HOXC12: variants seen among roughly 807,000 people sequenced by gnomAD.
HOXC12 encodes homeobox C12.
HOXC12 carries 24 observed loss-of-function variants against 20.9 expected under a neutral mutation model. That is an observed-to-expected ratio of 1.15 (90% CI 0.83 to 1.61). HOXC12 has a LOEUF of 1.61. Among genes scored for constraint, HOXC12 ranks in the 40% most tolerant of loss-of-function variants. HOXC12 has a pLI of 0.00. For missense variants in HOXC12, 436 were observed against 406.9 expected, an observed-to-expected ratio of 1.07 and a Z score of -0.62; for synonymous variants, 202 against 197.7, an observed-to-expected ratio of 1.02 and a Z score of -0.18.
In HOXC12 at chr12:53,958,505, G is replaced by A. The variant is rs1324950804; in HGVS notation, c.*1939G>A. The A allele has an allele frequency of 6.6e-6, 1 of 152,218 alleles. No homozygotes were observed. The highest frequency in any genetic ancestry group is 1.9e-4 in the East Asian group (1 of 5,204). The allele number at this position is 152,218 out of a possible 1,614,324, so 9.4% of individuals were successfully genotyped here. A position where few individuals can be genotyped will look rare whatever the true frequency, so the allele number is the denominator to read the frequency against. ...TTCCAGCTGTCTGCAGTCTCCTGTG[G>A]TCTTCCCCTGGGCATGAAGCACTCC... On this transcript the variant is annotated 3_prime_UTR_variant, in exon 2 of 2. Coordinates refer to ENST00000243103, the MANE Select transcript of HOXC12 (RefSeq NM_173860.3).
Position 53,958,846 on chromosome 12 carries a change from G to A in HOXC12, c.*2280G>A, listed in dbSNP as rs1277495922. 6.6e-6 allele frequency: 1 copy of A among 152,054 alleles called. No homozygotes were observed. Among genetic ancestry groups the A allele is most frequent in the East Asian group, 1.9e-4 (1 of 5,200 alleles). 9.4% of individuals were successfully genotyped at this position (152,054 alleles called of 1,614,324 possible). On this transcript the variant is annotated 3_prime_UTR_variant, in exon 2 of 2. Transcript: ENST00000243103. ...AGCTGCCTCCCCAGCTCTCTGTAGT[G>A]TAATTCTCCTATTCCAACGTCTGTC... is the stretch of plus-strand genomic sequence containing the variant.
rs748538517 is a variant in HOXC12, at chr12:53,956,344, G to A, written c.627G>A (p.Pro209=). Residue 209 remains proline (P), a synonymous_variant, in exon 2 of 2, where the codon CCG becomes CCA. Transcript: ENST00000243103. ...TCCACCCAGGCGCGCCCTGGTACCC[G>A]ATCAACAGCCGCTCTCGGAAGAAGC... ...GLSASGAPWY[P]INSRSRKKRK... 3.1e-6 allele frequency: 5 copies of A among 1,596,896 alleles called. No individual in the cohort carries two copies. The highest frequency in any genetic ancestry group is 4.3e-6 in the Non-Finnish European group (5 of 1,171,054).
Position 53,956,781 on chromosome 12 carries a change from G to A in HOXC12, c.*215G>A, listed in dbSNP as rs1403694717. ...AGAGAAGGGAAGAAACCTAGCCAGGGAGAGCAGAAGCCGGCAGCTGCCTGC... is the reference window on the plus strand; with the variant it reads ...AGAGAAGGGAAGAAACCTAGCCAGGAAGAGCAGAAGCCGGCAGCTGCCTGC... On this transcript the variant is annotated 3_prime_UTR_variant, in exon 2 of 2. Coordinates refer to ENST00000243103, the MANE Select transcript of HOXC12 (RefSeq NM_173860.3). 1 of 426,212 alleles carries A rather than the reference G, an allele frequency of 2.3e-6. No individual in the cohort carries two copies. Among genetic ancestry groups the A allele is most frequent in the Non-Finnish European group, 4.1e-6 (1 of 243,000 alleles). 26.4% of individuals were successfully genotyped at this position (426,212 alleles called of 1,614,324 possible). A position where few individuals can be genotyped will look rare whatever the true frequency, so the allele number is the denominator to read the frequency against.
At position 53,956,662 on chromosome 12, in the gene HOXC12, A is replaced by T. The variant is rs1938873256; in HGVS notation, c.*96A>T. Reference sequence around the variant, plus strand: ...GAACACAGTCCCCACTTAGAACGCCAGGCGTCTCTGGCAGGCCCTCCCTGG... The same window carrying T: ...GAACACAGTCCCCACTTAGAACGCCTGGCGTCTCTGGCAGGCCCTCCCTGG... On this transcript the variant is annotated 3_prime_UTR_variant, in exon 2 of 2. Coordinates refer to ENST00000243103, the MANE Select transcript of HOXC12 (RefSeq NM_173860.3). 2 of 899,636 alleles carry T rather than the reference A, an allele frequency of 2.2e-6. No individual in the cohort carries two copies. The highest frequency in any genetic ancestry group is 5.0e-5 in the East Asian group (2 of 39,982). 55.7% of individuals were successfully genotyped at this position (899,636 alleles called of 1,614,324 possible). A position where few individuals can be genotyped will look rare whatever the true frequency, so the allele number is the denominator to read the frequency against.
chr12:53,955,478 C>G lies in HOXC12; in HGVS notation c.549C>G (p.Gly183=). Residue 183 remains glycine, a synonymous_variant, in exon 1 of 2, where the codon GGC becomes GGG. Transcript: ENST00000243103. ...SLLNEGNKGA[G]AGDPGSLVSP... Reference sequence around the variant, plus strand: ...TCAACGAGGGCAACAAGGGCGCCGGCGCAGGCGACCCCGGCAGCTTGGTAT... The same window carrying G: ...TCAACGAGGGCAACAAGGGCGCCGGGGCAGGCGACCCCGGCAGCTTGGTAT... 2.7e-6 allele frequency: 4 copies of G among 1,500,650 alleles called. No individual in the cohort carries two copies. Among genetic ancestry groups the G allele is most frequent in the Non-Finnish European group, 3.5e-6 (4 of 1,131,164 alleles). The allele number at this position is 1,500,650 out of a possible 1,614,324, so 93.0% of individuals were successfully genotyped here.
Position 53,955,422 on chromosome 12 carries a change from T to C in HOXC12, c.493T>C (p.Ser165Pro). 2 of 1,509,898 alleles carry C rather than the reference T, an allele frequency of 1.3e-6. No homozygotes were observed. Among genetic ancestry groups the C allele is most frequent in the East Asian group, 2.7e-5 (1 of 37,284 alleles). The allele number at this position is 1,509,898 out of a possible 1,614,324, so 93.5% of individuals were successfully genotyped here. A position where few individuals can be genotyped will look rare whatever the true frequency, so the allele number is the denominator to read the frequency against. The change falls in exon 1 of 2, where the codon TCG becomes CCG. Residue 165 changes from serine to proline, a missense_variant. Transcript: ENST00000243103. ...GPPHDPPSCQSLESDSSSSLL... is the reference protein window; with the variant it reads ...GPPHDPPSCQPLESDSSSSLL... ...TCCGCACGACCCGCCCTCCTGCCAG[T>C]CGCTGGAATCCGACTCCAGTTCGTC... is the stretch of plus-strand genomic sequence containing the variant.
chr12:53,955,081 G>A lies in HOXC12; in HGVS notation c.152G>A (p.Cys51Tyr). 1 of 1,613,320 alleles carries A rather than the reference G, an allele frequency of 6.2e-7. No homozygotes were observed. The highest frequency in any genetic ancestry group is 8.5e-7 in the Non-Finnish European group (1 of 1,179,742). ...TCCTACCCACGCCGCGACAACGTGT[G>A]CTCCCTGTCCTGGCCGTCGGCGGAG... ...SLSYPRRDNVCSLSWPSAEPC... is the reference protein window; with the variant it reads ...SLSYPRRDNVYSLSWPSAEPC... Residue 51 changes from cysteine to tyrosine, a missense_variant, in exon 1 of 2, where the codon TGC (cysteine) becomes TAC (tyrosine). Physicochemically the swap from Cys to Tyr is radical, Grantham distance 194 (BLOSUM62 -2). Transcript: ENST00000243103.
chr12:53,955,349 C>A lies in HOXC12; in HGVS notation c.420C>A (p.Asp140Glu). Residue 140 changes from aspartate to glutamate, a missense_variant, in exon 1 of 2, where the codon GAC (aspartate) becomes GAA (glutamate). Physicochemically the swap from Asp to Glu is conservative, Grantham distance 45 (BLOSUM62 2). Coordinates refer to ENST00000243103, the MANE Select transcript of HOXC12 (RefSeq NM_173860.3). ...SGPPALGFKYDYAAGGGGGDG... is the reference protein window; with the variant it reads ...SGPPALGFKYEYAAGGGGGDG... The stretch of plus-strand genomic sequence containing the variant: ...CGCCTGCGCTCGGCTTCAAGTACGA[C>A]TACGCGGCGGGCGGCGGCGGTGGCG... 6.9e-7 allele frequency: 1 copy of A among 1,448,498 alleles called. No individual in the cohort carries two copies. Among genetic ancestry groups the A allele is most frequent in the Non-Finnish European group, 9.0e-7 (1 of 1,108,138 alleles). 89.7% of individuals were successfully genotyped at this position (1,448,498 alleles called of 1,614,324 possible).
rs772952163 is a variant in HOXC12 at position 53,955,129 on chromosome 12, C to G, written c.200C>G (p.Pro67Arg). The change falls in exon 1 of 2, where the codon CCC becomes CGC. Residue 67 changes from proline to arginine, a missense_variant. Physicochemically the swap from Pro to Arg is moderately radical, Grantham distance 103 (BLOSUM62 -2). Coordinates refer to ENST00000243103, the MANE Select transcript of HOXC12 (RefSeq NM_173860.3). ...SAEPCNGYPQ[P>R]YLGSPVSLNP... The stretch of plus-strand genomic sequence containing the variant: ...GAGCCGTGCAATGGCTACCCGCAGC[C>G]CTACCTCGGCAGCCCAGTGTCTCTC... 3.7e-5 allele frequency: 60 copies of G among 1,610,618 alleles called. No individual in the cohort carries two copies. The Middle Eastern group carries it at 8.2e-4, about 22-fold the overall frequency.
Position 53,958,453 on chromosome 12 carries a change from T to A in HOXC12, c.*1887T>A, listed in dbSNP as rs1365333122. ...CATCCACACATACTTGCTTCACCCA[T>A]GTACAAGTTCCCCCAAATTACCACC... is the stretch of plus-strand genomic sequence containing the variant. On this transcript the variant is annotated 3_prime_UTR_variant, in exon 2 of 2. Transcript: ENST00000243103. 2.0e-5 allele frequency: 3 copies of A among 152,274 alleles called. No individual in the cohort carries two copies. Among genetic ancestry groups the A allele is most frequent in the Admixed American group, 6.5e-5 (1 of 15,282 alleles). 9.4% of individuals were successfully genotyped at this position (152,274 alleles called of 1,614,324 possible).
rs1040528450 is a variant in HOXC12, at chr12:53,958,266, AAC to A, written c.*1704_*1705del. On this transcript the variant is annotated 3_prime_UTR_variant, in exon 2 of 2. Transcript: ENST00000243103. ...TTCTGTACAGGCAGAGGCAAAGGCAAACACATACACACAGCTGAGCCCAGCAC... is the reference window on the plus strand; with the variant it reads ...TTCTGTACAGGCAGAGGCAAAGGCAAACATACACACAGCTGAGCCCAGCAC... 1.3e-5 allele frequency: 2 copies of A among 152,458 alleles called. No individual in the cohort carries two copies. Among genetic ancestry groups the A allele is most frequent in the Non-Finnish European group, 2.9e-5 (2 of 68,210 alleles). 9.4% of individuals were successfully genotyped at this position (152,458 alleles called of 1,614,324 possible).
rs779774727 is a variant in HOXC12 at position 53,955,174 on chromosome 12, C to G, written c.245C>G (p.Thr82Arg). The G allele has an allele frequency of 6.2e-6, 10 of 1,610,906 alleles. No homozygotes were observed. The highest frequency in any genetic ancestry group is 5.0e-5 in the Admixed American group (3 of 59,878). ...PVSLNPPFGR[T>R]CELARVEDGK... is the part of the protein sequence containing the mutation. ...TCTCTCAACCCTCCCTTCGGCCGCACGTGCGAGCTGGCGCGCGTGGAGGAC... is the reference window on the plus strand; with the variant it reads ...TCTCTCAACCCTCCCTTCGGCCGCAGGTGCGAGCTGGCGCGCGTGGAGGAC... The change falls in exon 1 of 2, where the codon ACG becomes AGG. Residue 82 changes from threonine to arginine, a missense_variant. Physicochemically the swap from Thr to Arg is moderately conservative, Grantham distance 71. Coordinates refer to ENST00000243103, the MANE Select transcript of HOXC12 (RefSeq NM_173860.3).
chr12:53,956,261 G>T, intron 1 of HOXC12, 67 bp from the exon 2 acceptor site: 2 of 1,320,372 alleles, frequency 1.5e-6, no homozygotes, highest in Middle Eastern at 5.1e-4. Context: ...TCTGGGGAAG[G>T]GCCAAGGGCA....
rs1340299874 is a variant in HOXC12, at chr12:53,956,316, A to G, written c.611-12A>G. ...ATCCTTTGGCCAACCCCTGCCATTCATCTCCACCCAGGCGCGCCCTGGTAC... is the reference window on the plus strand; with the variant it reads ...ATCCTTTGGCCAACCCCTGCCATTCGTCTCCACCCAGGCGCGCCCTGGTAC... On this transcript the variant is annotated splice_polypyrimidine_tract_variant and intron_variant, in intron 1 of 1. Transcript: ENST00000243103. The G allele has an allele frequency of 1.9e-6, 3 of 1,570,520 alleles. No individual in the cohort carries two copies. In the South Asian group the frequency reaches 3.6e-5, roughly 19 times the overall value.
rs555869963 is a variant in HOXC12 at position 53,956,237 on chromosome 12, C to A, written c.611-91C>A. The A allele has an allele frequency of 3.0e-5, 30 of 996,604 alleles. No individual in the cohort carries two copies. The South Asian group carries it at 5.1e-4, about 17-fold the overall frequency. 61.7% of individuals were successfully genotyped at this position (996,604 alleles called of 1,614,324 possible). A position where few individuals can be genotyped will look rare whatever the true frequency, so the allele number is the denominator to read the frequency against. On this transcript the variant is annotated intron_variant, in intron 1 of 1. Coordinates refer to ENST00000243103, the MANE Select transcript of HOXC12 (RefSeq NM_173860.3). The stretch of plus-strand genomic sequence containing the variant: ...AAGGGCCTGGAGTCCAGCTGTGAGG[C>A]GAAGGTGAAAGGGTCTGGGGAAGGG...
chr12:53,956,291 A>G (rs1938864311), intron 1 of HOXC12, 37 bp from the exon 2 acceptor site: 3 of 1,534,832 alleles, frequency 2.0e-6, no homozygotes, highest in Non-Finnish European at 2.6e-6. Flanking sequence ...TCACCCTTTG[A>G]TCCTTTGGCC....
intron 1 of HOXC12, among the ~76,000 whole-genome samples, chr12:53,955,764 A>T (rs1376359532): frequency 1.3e-5 from 2 of 152,122 alleles, no homozygotes; most frequent in Non-Finnish European, 2.9e-5. Context: ...GGCGGCAGGG[A>T]TTCCGGAGTT....
In HOXC12 at chr12:53,957,816, G is replaced by T. The variant is rs1261564319; in HGVS notation, c.*1250G>T. Reference sequence around the variant, plus strand: ...AAGGGCTGCCTCCGCCTCCTGGCCTGCAAACCTCCACAGCCTAGCACATGG... The same window carrying T: ...AAGGGCTGCCTCCGCCTCCTGGCCTTCAAACCTCCACAGCCTAGCACATGG... On this transcript the variant is annotated 3_prime_UTR_variant, in exon 2 of 2. Transcript: ENST00000243103. 6.6e-6 allele frequency: 1 copy of T among 152,634 alleles called. No individual in the cohort carries two copies. Among genetic ancestry groups the T allele is most frequent in the African/African-American group, 2.4e-5 (1 of 41,392 alleles). 9.5% of individuals were successfully genotyped at this position (152,634 alleles called of 1,614,324 possible). A position where few individuals can be genotyped will look rare whatever the true frequency, so the allele number is the denominator to read the frequency against.
In HOXC12 at chr12:53,955,218, G is replaced by T. The variant is rs1243990129; in HGVS notation, c.289G>T (p.Glu97Ter). 1.9e-6 allele frequency: 3 copies of T among 1,602,178 alleles called. No homozygotes were observed. The highest frequency in any genetic ancestry group is 2.6e-6 in the Non-Finnish European group (3 of 1,174,582). Residue 97 changes from glutamate (E) to a stop codon, truncating the protein, a stop_gained, in exon 1 of 2, where the codon GAG becomes TAG. Transcript: ENST00000243103. LOFTEE classifies it high-confidence loss of function. ...RVEDGKGYYR[E>*]PCAEGGGGGL... Reference sequence around the variant, plus strand: ...GGAGGACGGCAAGGGTTACTACCGCGAGCCGTGCGCCGAGGGTGGCGGCGG... The same window carrying T: ...GGAGGACGGCAAGGGTTACTACCGCTAGCCGTGCGCCGAGGGTGGCGGCGG...
Sources: gnomAD v4.1 joint callset for allele counts (sites outside exome capture counted in the v4.1 genomes callset) on GRCh38, gnomAD v4.1.1 for gene constraint, MANE v1.5 for transcripts, NCBI Gene and HGNC (gene_info 2026-07-23, HGNC 2026-07-21) for gene names.